The following SYN3 variants were observed in gnomAD, a reference collection of about 807,000 sequenced individuals.
SYN3 encodes synapsin III, also known as synapsin-3.
Under a neutral mutation model 65.8 loss-of-function variants are expected in SYN3, and 35 were observed. That is an observed-to-expected ratio of 0.53 (90% CI 0.41 to 0.70). The LOEUF (loss-of-function observed/expected upper bound fraction) is 0.70. Ranked by LOEUF, SYN3 falls within the 30% of genes least tolerant of loss-of-function variation. The pLI is 0.00. For missense variants in SYN3, 680 were observed against 749.0 expected (o/e 0.91, Z 1.08); for synonymous variants, 270 against 292.9 (o/e 0.92, Z 0.80).
chr22:32,930,773 T>C (rs1569335334), intron 4 of SYN3, among the ~76,000 whole-genome samples: 1 of 152,200 alleles, frequency 6.6e-6, no homozygotes, highest in African/African-American at 2.4e-5. Flanking sequence ...TATTCATACA[T>C]GTGTTTATCT....
At chr22:32,587,745 G>C (rs966335204) in intron 7 of SYN3, among the ~76,000 whole-genome samples, 1 of 152,160 alleles carries the variant, frequency 6.6e-6, no homozygotes. Flanking sequence ...CAAGATGCTG[G>C]CGCTGCTGGA....
At chr22:32,693,592 GT>G (rs1189710191) in intron 6 of SYN3, among the ~76,000 whole-genome samples, 431 of 90,488 alleles carry the variant, frequency 4.8e-3, no homozygotes, top group African/African-American at 0.016. Flanking sequence ...TCTGTAGCTT[GT>G]TTTTTTTTTT....
chr22:32,861,678 C>T (rs2048542083), intron 6 of SYN3: 1 of 152,604 alleles, frequency 6.6e-6, no homozygotes, highest in African/African-American at 2.4e-5. Flanking sequence ...AACCACATCC[C>T]CATCTGTTAG....
intron 6 of SYN3, among the ~76,000 whole-genome samples, chr22:32,618,867 A>G (rs2059556901): frequency 6.6e-6 from 1 of 152,118 alleles, no homozygotes; most frequent in Non-Finnish European, 1.5e-5. Flanking sequence ...GTGATGGAGG[A>G]CCTTGGGCCC....
chr22:32,921,076 C>T (rs1191193047), intron 4 of SYN3, among the ~76,000 whole-genome samples: 2 of 152,100 alleles, frequency 1.3e-5, no homozygotes, highest in Non-Finnish European at 2.9e-5. Context: ...CCTCACGTTC[C>T]CTTAGCCCCT....
intron 6 of SYN3, among the ~76,000 whole-genome samples, chr22:32,776,471 C>CA (rs1472590705): frequency 2.0e-5 from 3 of 152,186 alleles, no homozygotes; most frequent in Admixed American, 6.5e-5. Context: ...CAGATACTGT[C>CA]AACATCCCAT....
chr22:32,719,855 A>AAG (rs998338233), intron 6 of SYN3, among the ~76,000 whole-genome samples: 1 of 152,040 alleles, frequency 6.6e-6, no homozygotes, highest in Non-Finnish European at 1.5e-5. Context: ...AAAACAAAAA[A>AAG]AGAGAGAGAG....
chr22:32,996,599 C>T (rs1367186464), intron 2 of SYN3, among the ~76,000 whole-genome samples: 3 of 152,066 alleles, frequency 2.0e-5, no homozygotes, highest in South Asian at 4.2e-4. Flanking sequence ...ATTTAACTCT[C>T]GGGAATCATG....
At chr22:32,776,505 C>T (rs1013000089) in intron 6 of SYN3, among the ~76,000 whole-genome samples, 1 of 152,178 alleles carries the variant, frequency 6.6e-6, no homozygotes, top group African/African-American at 2.4e-5. Context: ...AATTGCCACC[C>T]AGAGAAGTGA....
At chr22:32,759,559 C>A (rs1171562669) in intron 6 of SYN3, among the ~76,000 whole-genome samples, 2 of 152,042 alleles carry the variant, frequency 1.3e-5, no homozygotes, top group African/African-American at 2.4e-5. Context: ...GTTCTGAGAC[C>A]CTTGTCTTGA....
intron 4 of SYN3, among the ~76,000 whole-genome samples, chr22:32,922,550 C>G (rs931326989): frequency 1.3e-5 from 2 of 152,030 alleles, no homozygotes; most frequent in East Asian, 1.9e-4. Context: ...CAACTAAGTC[C>G]GGATCCAGAG....
chr22:33,033,832 G>T (rs977233379), intron 1 of SYN3, among the ~76,000 whole-genome samples: 10 of 152,150 alleles, frequency 6.6e-5, no homozygotes, highest in African/African-American at 2.4e-4. Context: ...ACTCAGCCAA[G>T]CAGACGCAAG....
intron 5 of SYN3, among the ~76,000 whole-genome samples, chr22:32,868,635 G>C (rs2048754920): frequency 6.6e-6 from 1 of 151,904 alleles, no homozygotes; most frequent in Admixed American, 6.6e-5. Context: ...ATTTTTAGTA[G>C]AGATGGGGTT....
At chr22:32,647,458 T>C (rs9619287) in intron 6 of SYN3, among the ~76,000 whole-genome samples, 82 of 152,176 alleles carry the variant, frequency 5.4e-4, no homozygotes, top group African/African-American at 2.0e-3. Flanking sequence ...TTTCTTTTTT[T>C]TTTTTTGAGA....
At chr22:32,787,031 C>T (rs1462082217) in intron 6 of SYN3, among the ~76,000 whole-genome samples, 1 of 148,808 alleles carries the variant, frequency 6.7e-6, no homozygotes, top group African/African-American at 2.5e-5. Context: ...AATGTGCCAA[C>T]TTCTTTTTTT....
intron 3 of SYN3, among the ~76,000 whole-genome samples, chr22:32,934,013 T>G (rs1007877318): frequency 1.3e-5 from 2 of 152,188 alleles, no homozygotes; most frequent in Non-Finnish European, 2.9e-5. Flanking sequence ...AACCTCATTA[T>G]GCTGTGGCAA....
intron 2 of SYN3, among the ~76,000 whole-genome samples, chr22:32,993,033 G>A (rs568250313): frequency 6.6e-6 from 1 of 152,100 alleles, no homozygotes; most frequent in Non-Finnish European, 1.5e-5. Flanking sequence ...GCAAGGAGTA[G>A]AACAAGCCGG....
chr22:32,974,025 G>A (rs771541846), intron 3 of SYN3, among the ~76,000 whole-genome samples: 4 of 152,200 alleles, frequency 2.6e-5, no homozygotes, highest in Non-Finnish European at 4.4e-5. Context: ...CTGACCTCAG[G>A]TGATTTGCCT....
intron 6 of SYN3, chr22:32,783,143 C>T (rs920400032): frequency 3.9e-5 from 6 of 152,216 alleles, no homozygotes; most frequent in African/African-American, 1.4e-4. Context: ...GTCACTAAGA[C>T]CGGGTTTCTC....
Sources: allele counts gnomAD v4.1 joint callset (sites outside exome capture counted in the v4.1 genomes callset), GRCh38; gene constraint gnomAD v4.1.1; transcripts MANE v1.5; gene names NCBI Gene and HGNC (gene_info 2026-07-23, HGNC 2026-07-21).